BRPF1: variants seen among roughly 807,000 people sequenced by gnomAD.
The protein encoded by BRPF1 is peregrin.
BRPF1 carries 15 observed loss-of-function variants against 115.0 expected under a neutral mutation model. The ratio of observed to expected loss-of-function variants is 0.13; its 90% confidence interval spans 0.09 to 0.20. The LOEUF (loss-of-function observed/expected upper bound fraction) is 0.20, where lower values mean the gene tolerates loss of function less well. Ranked by LOEUF, BRPF1 falls within the 10% of genes least tolerant of loss-of-function variation. The pLI is 1.00. For synonymous variants in BRPF1, 647 were observed against 619.8 expected (o/e 1.04, Z -0.65); for missense variants, 1,118 against 1,638.3 (o/e 0.68, Z 5.48).
intron 6 of BRPF1, 85 bp from the exon 7 acceptor site, chr3:9,742,859 T>G: frequency 1.4e-6 from 2 of 1,416,010 alleles, no homozygotes; most frequent in Admixed American, 2.0e-5. Flanking sequence ...TTGCTGGATG[T>G]GTTTCAGGGG....
At position 9,739,949 on chromosome 3, in the gene BRPF1, C is replaced by A; in HGVS notation, c.1550C>A (p.Pro517Gln). 1 of 1,577,278 alleles carries A rather than the reference C, an allele frequency of 6.3e-7. No individual in the cohort carries two copies. Among genetic ancestry groups the A allele is most frequent in the Non-Finnish European group, 8.6e-7 (1 of 1,161,858 alleles). The change falls in exon 3 of 14, where the codon CCA becomes CAA. Residue 517 changes from proline (P) to glutamine (Q), a missense_variant. Physicochemically the swap from Pro to Gln is moderately conservative, Grantham distance 76 (BLOSUM62 -1). Around this residue, in one of 10 missense-constraint regions of BRPF1, gnomAD observed 178 missense variants for 303.7 expected, o/e 0.59. Transcript: ENST00000383829. ...AAPVVSVPCI[P>Q]PHRLSKITNR... is the part of the protein sequence containing the mutation. ...CCTGTGGTGTCAGTGCCCTGCATCC[C>A]ACCACACAGGTATGTGGGGAGCCGG...
chr3:9,736,049 TCAC>T (rs1171969984), intron 2 of BRPF1, among the ~76,000 whole-genome samples: 14 of 220 alleles, frequency 0.064, 1 homozygote, highest in East Asian at 0.3. Context: ...TCTCGCTCTG[TCAC>T]CCAGGCTGGA....
Position 9,743,899 on chromosome 3 carries a change from A to C in BRPF1, c.2633A>C (p.Lys878Thr). The change falls in exon 8 of 14, where the codon AAA becomes ACA. Residue 878 changes from lysine to threonine, a missense_variant and splice_region_variant. Transcript: ENST00000383829. The surrounding 1 kb of genome is among the most constrained non-coding windows in gnomAD (Gnocchi z 6.1). Reference sequence around the variant, plus strand: ...GAGAGCAGCAGCCAGGAGACAAGCAAAGGTCTGAATCCCATGGCAAGGTGG... The same window carrying C: ...GAGAGCAGCAGCCAGGAGACAAGCACAGGTCTGAATCCCATGGCAAGGTGG... ...AEESSSQETS[K>T]GLGPNMSSTP... 1 of 1,566,024 alleles carries C rather than the reference A, an allele frequency of 6.4e-7. No individual in the cohort carries two copies. The highest frequency in any genetic ancestry group is 2.3e-5 in the East Asian group (1 of 44,312).
rs2077118271 is a variant in BRPF1 at position 9,745,949 on chromosome 3, C to T, written c.3324+19C>T. 2 of 1,597,782 alleles carry T rather than the reference C, an allele frequency of 1.3e-6. No individual in the cohort carries two copies. The highest frequency in any genetic ancestry group is 1.7e-6 in the Non-Finnish European group (2 of 1,170,346). On this transcript the variant is annotated intron_variant, in intron 12 of 13. Transcript: ENST00000383829. This position sits in a 1 kb window ranked among gnomAD's most constrained non-coding sequence, Gnocchi z 5.1. ...AGCTCTGGTATGCTTGCTTCTGTTA[C>T]ACTTCTTGCTTTCCAATCCCAGAAT...
chr3:9,736,816 A>C (rs942359356), intron 2 of BRPF1, among the ~76,000 whole-genome samples: 4 of 152,368 alleles, frequency 2.6e-5, no homozygotes, highest in East Asian at 1.9e-4. Context: ...CTCTAATAGC[A>C]TCACTTTCTC....
In BRPF1 at chr3:9,739,296, C is replaced by T. The variant is rs772487897; in HGVS notation, c.897C>T (p.Ala299=). The T allele has an allele frequency of 1.1e-5, 18 of 1,613,638 alleles. No individual in the cohort carries two copies. Among genetic ancestry groups the T allele is most frequent in the South Asian group, 2.2e-5 (2 of 91,066 alleles). Residue 299 remains alanine (A), a synonymous_variant, in exon 3 of 14, where the codon GCC becomes GCT. Transcript: ENST00000383829. ...TCTTCTGTGACATGTGCAACCTGGC[C>T]GTGCACCAGGAGTGCTACGGTGTCC... is the stretch of plus-strand genomic sequence containing the variant. ...VILFCDMCNL[A]VHQECYGVPY...
At chr3:9,742,578 T>C (rs1447114232) in intron 6 of BRPF1, 3 of 980,480 alleles carry the variant, frequency 3.1e-6, no homozygotes, top group African/African-American at 3.5e-5. Context: ...AGCCTCCTTA[T>C]AAGTTACTGT....
chr3:9,745,762 C>T lies in BRPF1; in HGVS notation c.3206-50C>T, dbSNP rs1359252586. 24 of 1,610,700 alleles carry T rather than the reference C, an allele frequency of 1.5e-5. No homozygotes were observed. The highest frequency in any genetic ancestry group is 6.6e-5 in the South Asian group (6 of 91,026). ...TGCTGGGGACCCAGTGTCAGGGTCT[C>T]GCCAGCCCCCCAGCTGCTGATCCAC... On this transcript the variant is annotated intron_variant, in intron 11 of 13. Transcript: ENST00000383829. This position sits in a 1 kb window ranked among gnomAD's most constrained non-coding sequence, Gnocchi z 5.1.
At chr3:9,746,273 C>A in intron 12 of BRPF1, 27 bp from the exon 13 acceptor site, 1 of 1,520,372 alleles carries the variant, frequency 6.6e-7, no homozygotes, top group South Asian at 1.3e-5. Flanking sequence ...TGGACTGAAC[C>A]AAACTGGGCT....
In BRPF1 at chr3:9,739,453, G is replaced by T; in HGVS notation, c.1054G>T (p.Val352Leu). 1 of 1,614,092 alleles carries T rather than the reference G, an allele frequency of 6.2e-7. No homozygotes were observed. The highest frequency in any genetic ancestry group is 8.5e-7 in the Non-Finnish European group (1 of 1,179,970). ...AGATGACGGGCGCTGGGCCCATGTG[G>T]TGTGTGCCTTGTGGATCCCTGAGGT... Reference protein sequence around the residue: ...QTDDGRWAHVVCALWIPEVCF... With the variant: ...QTDDGRWAHVLCALWIPEVCF... The change falls in exon 3 of 14, where the codon GTG (valine) becomes TTG (leucine). Residue 352 changes from valine to leucine, a missense_variant. Physicochemically the swap from Val to Leu is conservative, Grantham distance 32. Coordinates refer to ENST00000383829, the MANE Select transcript of BRPF1 (RefSeq NM_001003694.2).
intron 4 of BRPF1, 141 bp from the exon 5 acceptor site, chr3:9,741,167 G>A: frequency 2.6e-6 from 3 of 1,146,026 alleles, no homozygotes; most frequent in Non-Finnish European, 3.7e-6. Flanking sequence ...CCAGGCCTTG[G>A]GGACACACAG....
intron 1 of BRPF1, among the ~76,000 whole-genome samples, chr3:9,732,999 C>T (rs1047635890): frequency 5.9e-5 from 9 of 152,138 alleles, no homozygotes; most frequent in African/African-American, 1.7e-4. Context: ...GGAGGGAGGG[C>T]CCCTGCGGAC....
rs1279563889 is a variant in BRPF1, at chr3:9,743,706, C to T, written c.2440C>T (p.Arg814Cys). 9 of 1,614,028 alleles carry T rather than the reference C, an allele frequency of 5.6e-6. No individual in the cohort carries two copies. The highest frequency in any genetic ancestry group is 5.5e-5 in the South Asian group (5 of 91,090). ...CAAGCAGAGTGTGGGCCGCTCACGG[C>T]GTGCAAAGATGATCAAGAAAGAGAT... Reference protein sequence around the residue: ...ASKQSVGRSRRAKMIKKEMTA... With the variant: ...ASKQSVGRSRCAKMIKKEMTA... The change falls in exon 8 of 14, where the codon CGT becomes TGT. Residue 814 changes from arginine to cysteine, a missense_variant. Coordinates refer to ENST00000383829, the MANE Select transcript of BRPF1 (RefSeq NM_001003694.2). This position sits in a 1 kb window ranked among gnomAD's most constrained non-coding sequence, Gnocchi z 6.1.
chr3:9,742,513 C>G, intron 6 of BRPF1: 2 of 985,402 alleles, frequency 2.0e-6, no homozygotes, highest in Non-Finnish European at 1.2e-6. Flanking sequence ...AGCCCTAGGT[C>G]CTGACTGGCA....
Position 9,744,475 on chromosome 3 carries a change from G to C in BRPF1, c.2887G>C (p.Asp963His). 3 of 1,570,644 alleles carry C rather than the reference G, an allele frequency of 1.9e-6. No homozygotes were observed. Among genetic ancestry groups the C allele is most frequent in the Non-Finnish European group, 2.6e-6 (3 of 1,159,532 alleles). The part of the protein sequence containing the change: ...SPRPSSSSDS[D>H]SDKSTEDPPM... ...CCGGCCCAGTTCGAGCTCAGACAGCGACAGTGATAAGTCCACAGAAGACCC... is the reference window on the plus strand; with the variant it reads ...CCGGCCCAGTTCGAGCTCAGACAGCCACAGTGATAAGTCCACAGAAGACCC... The change falls in exon 9 of 14, where the codon GAC becomes CAC. Residue 963 changes from aspartate to histidine, a missense_variant. Asp to His is a moderately conservative substitution (Grantham distance 81). This residue lies in a region of BRPF1 where 92 missense variants were observed against 102.2 expected (regional missense o/e 0.90). Coordinates refer to ENST00000383829, the MANE Select transcript of BRPF1 (RefSeq NM_001003694.2).
In BRPF1 at chr3:9,745,465, C is replaced by T. The variant is rs1650287811; in HGVS notation, c.3069-108C>T. On this transcript the variant is annotated intron_variant, in intron 10 of 13. Transcript: ENST00000383829. This position sits in a 1 kb window ranked among gnomAD's most constrained non-coding sequence, Gnocchi z 5.1. ...TTTGAAATTCCTCATATAGCCTCTG[C>T]TTTCCAAAAGTCTCAGACCCTGCGG... 3.0e-6 allele frequency: 4 copies of T among 1,314,770 alleles called. No homozygotes were observed. The highest frequency in any genetic ancestry group is 4.3e-6 in the Non-Finnish European group (4 of 933,584). 81.4% of individuals were successfully genotyped at this position (1,314,770 alleles called of 1,614,324 possible). A position where few individuals can be genotyped will look rare whatever the true frequency, so the allele number is the denominator to read the frequency against.
At chr3:9,733,926 A>G (rs1363102228) in intron 1 of BRPF1, among the ~76,000 whole-genome samples, 1 of 152,218 alleles carries the variant, frequency 6.6e-6, no homozygotes, top group Non-Finnish European at 1.5e-5. Flanking sequence ...AAGTTGAGAC[A>G]TAGGGCAGGA....
intron 2 of BRPF1, among the ~76,000 whole-genome samples, chr3:9,737,516 TAGAC>T (rs2076962193): frequency 6.6e-6 from 1 of 152,226 alleles, no homozygotes; most frequent in Non-Finnish European, 1.5e-5. Context: ...TGCCCTCTGT[TAGAC>T]AGCACCCAGG....
chr3:9,745,013 C>G lies in BRPF1; in HGVS notation c.2926C>G (p.Pro976Ala). The G allele has an allele frequency of 4.3e-6, 7 of 1,614,238 alleles. No homozygotes were observed. Among genetic ancestry groups the G allele is most frequent in the South Asian group, 1.1e-5 (1 of 91,088 alleles). ...TCCCCTTCCCTTCAACCAAGACTTA[C>G]CAGCCAATGGCTTCAGCGGTGGAAA... Reference protein sequence around the residue: ...KSTEDPPMDLPANGFSGGNQP... With the variant: ...KSTEDPPMDLAANGFSGGNQP... Residue 976 changes from proline to alanine, a missense_variant, in exon 10 of 14, where the codon CCA (proline) becomes GCA (alanine). This residue lies in a region of BRPF1 where 92 missense variants were observed against 102.2 expected (regional missense o/e 0.90). Transcript: ENST00000383829. This position sits in a 1 kb window ranked among gnomAD's most constrained non-coding sequence, Gnocchi z 5.1.
Sources: allele counts gnomAD v4.1 joint callset (sites outside exome capture counted in the v4.1 genomes callset), GRCh38; gene constraint gnomAD v4.1.1; regional missense constraint gnomAD v4.1.1; non-coding constraint Gnocchi (gnomAD v3.1); transcripts MANE v1.5; gene names NCBI Gene and HGNC (gene_info 2026-07-23, HGNC 2026-07-21).